The following PCDHGB1 variants were observed in gnomAD, a reference collection of about 807,000 sequenced individuals.
PCDHGB1 encodes protocadherin gamma subfamily B, 1.
Under a neutral mutation model 56.6 loss-of-function variants are expected in PCDHGB1, and 34 were observed. That is an observed-to-expected ratio of 0.60 (90% confidence interval 0.46 to 0.80). The LOEUF is 0.80. PCDHGB1 is among the 30% of genes least tolerant of loss of function. The probability of loss-of-function intolerance (pLI) is 0.00; values close to 1 mark genes in which losing one functional copy is unlikely to be tolerated. For synonymous variants in PCDHGB1, 561 were observed against 505.9 expected, an observed-to-expected ratio of 1.11 and a Z score of -1.46; for missense variants, 1,278 against 1,204.6, an observed-to-expected ratio of 1.06 and a Z score of -0.90.
Position 141,431,054 on chromosome 5 carries a change from G to A in PCDHGB1, c.2410-63753G>A, listed in dbSNP as rs532584174. 1 of 1,614,198 alleles carries A rather than the reference G, an allele frequency of 6.2e-7. No individual in the cohort carries two copies. Among genetic ancestry groups the A allele is most frequent in the African/African-American group, 1.3e-5 (1 of 75,076 alleles). ...AGACCGGGAGGAGCTCTGTATGGGG[G>A]CCATCAAGTGTCAATTAAATCTAGA... On this transcript the variant is annotated intron_variant, in intron 1 of 3. Transcript: ENST00000523390. This position sits in a 1 kb window ranked among gnomAD's most constrained non-coding sequence, Gnocchi z 4.8.
intron 1 of PCDHGB1, chr5:141,405,210 A>G (rs752645800): frequency 1.2e-6 from 2 of 1,613,994 alleles, no homozygotes; most frequent in South Asian, 1.1e-5. Context: ...CTACAGACCT[A>G]TTCTCAGGAG....
intron 1 of PCDHGB1, among the ~76,000 whole-genome samples, chr5:141,461,314 T>A (rs1453512629): frequency 6.6e-6 from 1 of 152,198 alleles, no homozygotes; most frequent in Non-Finnish European, 1.5e-5. Context: ...TTTTTTGACT[T>A]TTTAATAATG....
chr5:141,388,892 A>G (rs1370408221), intron 1 of PCDHGB1: 1 of 1,613,996 alleles, frequency 6.2e-7, no homozygotes, highest in Non-Finnish European at 8.5e-7. Context: ...TAGAAGTCAT[A>G]GATGAAAATG....
chr5:141,494,431 T>C (rs1403792155), intron 1 of PCDHGB1, among the ~76,000 whole-genome samples: 1 of 152,158 alleles, frequency 6.6e-6, no homozygotes, highest in Non-Finnish European at 1.5e-5. Context: ...TTGAAAAGCC[T>C]CCTTTGCCAC....
intron 1 of PCDHGB1, chr5:141,392,932 A>T (rs1334314898): frequency 6.2e-7 from 1 of 1,613,830 alleles, no homozygotes; most frequent in African/African-American, 1.3e-5. Flanking sequence ...GAAGAGACGG[A>T]CAAAGGCTCC....
At chr5:141,461,082 T>C (rs2099008648) in intron 1 of PCDHGB1, among the ~76,000 whole-genome samples, 1 of 152,070 alleles carries the variant, frequency 6.6e-6, no homozygotes, top group South Asian at 2.1e-4. Flanking sequence ...AATTGTGAAT[T>C]GTGCTGCTAT....
chr5:141,489,692 G>C lies in PCDHGB1; in HGVS notation c.2410-5115G>C, dbSNP rs768806028. The stretch of plus-strand genomic sequence containing the variant: ...TCAGAATCAGCAGCATCTGGGGCAC[G>C]ATTCCCACTGGACAGTGCCCAGGAT... On this transcript the variant is annotated intron_variant, in intron 1 of 3. Transcript: ENST00000523390. This position sits in a 1 kb window ranked among gnomAD's most constrained non-coding sequence, Gnocchi z 4.5. 6.2e-7 allele frequency: 1 copy of C among 1,614,128 alleles called. No individual in the cohort carries two copies. Among genetic ancestry groups the C allele is most frequent in the South Asian group, 1.1e-5 (1 of 91,080 alleles).
intron 2 of PCDHGB1, among the ~76,000 whole-genome samples, chr5:141,498,191 A>G (rs2099782212): frequency 6.6e-6 from 1 of 152,270 alleles, no homozygotes; most frequent in African/African-American, 2.4e-5. Flanking sequence ...CAAATTAACC[A>G]GCTAAAGAAA....
chr5:141,429,913 T>C (rs1013990672), intron 1 of PCDHGB1, among the ~76,000 whole-genome samples: 29 of 152,238 alleles, frequency 1.9e-4, no homozygotes, highest in African/African-American at 7.0e-4. Context: ...TGAAATATAA[T>C]GTATTAATAG....
In PCDHGB1 at chr5:141,374,846, C is replaced by T. The variant is rs1473498001; in HGVS notation, c.2409+22177C>T. 4.3e-6 allele frequency: 7 copies of T among 1,613,724 alleles called. No individual in the cohort carries two copies. In the African/African-American group the frequency reaches 8.0e-5, roughly 18 times the overall value. On this transcript the variant is annotated intron_variant, in intron 1 of 3. Coordinates refer to ENST00000523390, the MANE Select transcript of PCDHGB1 (RefSeq NM_018922.3). ...CTACCGTGTAAGTGTTCCTGAAAAC[C>T]TGCCAGTAGGCACACCAGTGTTGGC...
At position 141,387,415 on chromosome 5, in the gene PCDHGB1, A is replaced by C. The variant is rs111350375; in HGVS notation, c.2409+34746A>C. Among the ~76,000 whole-genome samples the C allele has an allele frequency of 1.1e-3, 175 of 152,362 alleles. 1 individual carries two copies. Among genetic ancestry groups the C allele is most frequent in the Admixed American group, 4.9e-3 (75 of 15,312 alleles). ...CATGTTTGAAGATTGGGGAAAGCTT[A>C]TGTCAATAAATGTTTATGTACTTAA... On this transcript the variant is annotated intron_variant, in intron 1 of 3. Coordinates refer to ENST00000523390, the MANE Select transcript of PCDHGB1 (RefSeq NM_018922.3).
intron 1 of PCDHGB1, chr5:141,414,687 T>G: frequency 1.2e-6 from 2 of 1,614,004 alleles, no homozygotes; most frequent in East Asian, 4.5e-5. Flanking sequence ...AGGGGGTACC[T>G]CTGTCCTCAT....
chr5:141,371,780 T>C, intron 1 of PCDHGB1: 6 of 1,613,990 alleles, frequency 3.7e-6, no homozygotes, highest in Non-Finnish European at 5.1e-6. Context: ...TGCATGTAGC[T>C]GAGAACAATC....
At chr5:141,421,352 A>T in intron 1 of PCDHGB1, 1 of 1,613,946 alleles carries the variant, frequency 6.2e-7, no homozygotes, top group Non-Finnish European at 8.5e-7. Context: ...GAGACCGAAA[A>T]GGGCTCCTTC....
chr5:141,353,135 T>C (rs533447230), intron 1 of PCDHGB1, among the ~76,000 whole-genome samples: 2 of 152,300 alleles, frequency 1.3e-5, no homozygotes, highest in South Asian at 2.1e-4. Context: ...TGCTCAGTAG[T>C]CTTGGCAATT....
At chr5:141,503,309 A>G (rs2099819130) in intron 2 of PCDHGB1, among the ~76,000 whole-genome samples, 1 of 152,034 alleles carries the variant, frequency 6.6e-6, no homozygotes, top group Non-Finnish European at 1.5e-5. Flanking sequence ...TCAAGAAAGA[A>G]TTGTTGGAGG....
chr5:141,361,239 G>C (rs555666915), intron 1 of PCDHGB1: 8 of 1,613,958 alleles, frequency 5.0e-6, no homozygotes, highest in Non-Finnish European at 5.1e-6. Flanking sequence ...TGATCGCCTT[G>C]ATAAAAACGA....
At chr5:141,382,998 C>G in intron 1 of PCDHGB1, 2 of 1,613,740 alleles carry the variant, frequency 1.2e-6, no homozygotes, top group Non-Finnish European at 1.7e-6. Context: ...GTATTCTCTA[C>G]TCCGTGTCGG....
At chr5:141,375,221 G>C (rs1299495432) in intron 1 of PCDHGB1, 31 of 1,613,820 alleles carry the variant, frequency 1.9e-5, no homozygotes, top group Non-Finnish European at 2.6e-5. Context: ...TGGCCTGAAT[G>C]GCCTGGTAAC....
Sources: allele counts gnomAD v4.1 joint callset (sites outside exome capture counted in the v4.1 genomes callset), GRCh38; gene constraint gnomAD v4.1.1; non-coding constraint Gnocchi (gnomAD v3.1); transcripts MANE v1.5; gene names NCBI Gene and HGNC (gene_info 2026-07-23, HGNC 2026-07-21).